PAPOLA: variants seen among roughly 807,000 people sequenced by gnomAD.
PAPOLA encodes poly(A) polymerase alpha.
In PAPOLA, 15 loss-of-function variants were observed where a neutral mutation model predicts 100.6. That is an observed-to-expected ratio of 0.15 (90% CI 0.10 to 0.23). The LOEUF (loss-of-function observed/expected upper bound fraction) is 0.23, where lower values mean the gene tolerates loss of function less well. Ranked by LOEUF, PAPOLA falls within the 10% of genes least tolerant of loss-of-function variation. The pLI is 1.00. For missense variants in PAPOLA, 533 were observed against 884.2 expected, an observed-to-expected ratio of 0.60 and a Z score of 5.04; for synonymous variants, 293 against 300.0, an observed-to-expected ratio of 0.98 and a Z score of 0.24.
At chr14:96,513,520 T>A (rs1000497182) in intron 1 of PAPOLA, among the ~76,000 whole-genome samples, 1 of 152,238 alleles carries the variant, frequency 6.6e-6, no homozygotes, top group Non-Finnish European at 1.5e-5. Context: ...GACAAACTTT[T>A]AAAATTGGTA....
intron 16 of PAPOLA, among the ~76,000 whole-genome samples, chr14:96,550,130 C>T (rs1421323541): frequency 6.6e-6 from 1 of 152,294 alleles, no homozygotes; most frequent in African/African-American, 2.4e-5. Flanking sequence ...GTCTGAGTGA[C>T]AGAACGAGAC....
chr14:96,523,694 C>T (rs1321628615), intron 3 of PAPOLA, among the ~76,000 whole-genome samples: 1 of 152,172 alleles, frequency 6.6e-6, no homozygotes. Context: ...GCCTGTAATC[C>T]AACACTTTGG....
At chr14:96,557,533 C>G (rs1270446541) in intron 19 of PAPOLA, among the ~76,000 whole-genome samples, 3 of 150,922 alleles carry the variant, frequency 2.0e-5, no homozygotes, top group Non-Finnish European at 4.4e-5. Flanking sequence ...TGCAATTGCC[C>G]CAGAGATGAC....
At chr14:96,503,889 G>A (rs1896521910) in intron 1 of PAPOLA, among the ~76,000 whole-genome samples, 1 of 152,104 alleles carries the variant, frequency 6.6e-6, no homozygotes, top group Admixed American at 6.5e-5. Context: ...CGCAATTTAT[G>A]TATTTTAAAA....
chr14:96,535,531 T>A, intron 10 of PAPOLA: 1 of 995,946 alleles, frequency 1.0e-6, no homozygotes, highest in Non-Finnish European at 1.2e-6. Flanking sequence ...TAGCATGACA[T>A]GTCTCTAAAG....
chr14:96,552,771 T>G, intron 17 of PAPOLA, 149 bp downstream of exon 17: 28 of 684,416 alleles, frequency 4.1e-5, no homozygotes, highest in Non-Finnish European at 6.2e-5. Context: ...ATTCCCAGGT[T>G]TGGGGATAGT....
intron 10 of PAPOLA, chr14:96,535,432 G>C (rs1899435368): frequency 3.0e-6 from 3 of 984,028 alleles, no homozygotes; most frequent in Non-Finnish European, 3.6e-6. Flanking sequence ...GTTTCACCGC[G>C]TGTTAATAAG....
intron 1 of PAPOLA, among the ~76,000 whole-genome samples, chr14:96,517,067 C>T (rs553290635): frequency 4.0e-5 from 6 of 151,808 alleles, no homozygotes; most frequent in Non-Finnish European, 5.9e-5. Context: ...ACATATTACT[C>T]GCACAAAACA....
At chr14:96,511,494 C>G (rs774815312) in intron 1 of PAPOLA, among the ~76,000 whole-genome samples, 1 of 152,186 alleles carries the variant, frequency 6.6e-6, no homozygotes. Flanking sequence ...GTGTGTTAGT[C>G]GTCTGCCTAG....
intron 7 of PAPOLA, 187 bp downstream of exon 7, chr14:96,531,773 A>G: frequency 6.9e-7 from 1 of 1,448,152 alleles, no homozygotes; most frequent in Non-Finnish European, 9.0e-7. Context: ...ACAGTATTTT[A>G]TACACTGTAT....
chr14:96,546,730 A>G (rs1900422810), intron 15 of PAPOLA, among the ~76,000 whole-genome samples: 1 of 152,150 alleles, frequency 6.6e-6, no homozygotes, highest in South Asian at 2.1e-4. Flanking sequence ...AGGGTTTGTT[A>G]CTAGATGAAT....
At chr14:96,519,910 A>T (rs1436837376) in intron 1 of PAPOLA, 145 bp from the exon 2 acceptor site, 2 of 578,652 alleles carry the variant, frequency 3.5e-6, no homozygotes, top group Non-Finnish European at 5.8e-6. Flanking sequence ...GCTTTTGGTC[A>T]CTTTTTGTCA....
At chr14:96,519,351 ACTT>A (rs1897750216) in intron 1 of PAPOLA, among the ~76,000 whole-genome samples, 1 of 152,148 alleles carries the variant, frequency 6.6e-6, no homozygotes, top group Non-Finnish European at 1.5e-5. Context: ...TATTATGTTG[ACTT>A]CTTAATTTAA....
intron 3 of PAPOLA, among the ~76,000 whole-genome samples, chr14:96,522,049 T>A (rs1249253775): frequency 6.7e-6 from 1 of 149,478 alleles, no homozygotes; most frequent in African/African-American, 2.5e-5. Flanking sequence ...TGATCCACCT[T>A]CCTTGGCCTC....
intron 3 of PAPOLA, 113 bp downstream of exon 3, chr14:96,521,185 T>A (rs1161897011): frequency 1.5e-6 from 1 of 669,386 alleles, no homozygotes; most frequent in African/African-American, 1.8e-5. Context: ...TAATGTGGAG[T>A]CAATTTTAGA....
chr14:96,550,409 A>G (rs1900753274), intron 16 of PAPOLA, among the ~76,000 whole-genome samples: 1 of 152,202 alleles, frequency 6.6e-6, no homozygotes, highest in Admixed American at 6.5e-5. Flanking sequence ...GTAAATTTGA[A>G]TATAAGATGT....
Position 96,552,597 on chromosome 14 carries a change from T to C in PAPOLA, c.1639T>C (p.Leu547=), listed in dbSNP as rs1307886497. ...SPTSATKTSP[L]NSSGSSQGRN... ...TACTAGTGCTACGAAGACCAGTCCA[T>C]TGAACAGTTCTGGCAGCTCTCAGGG... is the stretch of plus-strand genomic sequence containing the variant. Residue 547 remains leucine, a synonymous_variant, in exon 17 of 22, where the codon TTG becomes CTG. Transcript: ENST00000216277. The C allele has an allele frequency of 2.5e-6, 4 of 1,613,948 alleles. No individual in the cohort carries two copies. The African/African-American group carries it at 5.3e-5, about 22-fold the overall frequency.
chr14:96,551,156 G>A (rs942748372), intron 16 of PAPOLA, among the ~76,000 whole-genome samples: 2 of 152,170 alleles, frequency 1.3e-5, no homozygotes, highest in South Asian at 2.1e-4. Flanking sequence ...AGCAAACAAA[G>A]CAAAGTAGCT....
At chr14:96,559,976 G>T (rs1901703918) in intron 19 of PAPOLA, among the ~76,000 whole-genome samples, 1 of 152,018 alleles carries the variant, frequency 6.6e-6, no homozygotes, top group Non-Finnish European at 1.5e-5. Context: ...TTGCATATTT[G>T]CAGGGTACAA....
Sources: allele counts gnomAD v4.1 joint callset (sites outside exome capture counted in the v4.1 genomes callset), GRCh38; gene constraint gnomAD v4.1.1; transcripts MANE v1.5; gene names NCBI Gene and HGNC (gene_info 2026-07-23, HGNC 2026-07-21).